The following IL2RB variants were observed in gnomAD, a reference collection of about 807,000 sequenced individuals.
IL2RB encodes the protein interleukin-2 receptor subunit beta.
Under a neutral mutation model 44.2 loss-of-function variants are expected in IL2RB, and 17 were observed. The ratio of observed to expected loss-of-function variants is 0.38; its 90% CI spans 0.26 to 0.58. The LOEUF (loss-of-function observed/expected upper bound fraction) is 0.58. Ranked by LOEUF, IL2RB falls within the 20% of genes least tolerant of loss-of-function variation. The pLI, the probability that IL2RB is intolerant of heterozygous loss-of-function variation, is 0.63. For missense variants in IL2RB, 624 were observed against 685.5 expected (o/e 0.91, Z 1.00); for synonymous variants, 286 against 297.9 (o/e 0.96, Z 0.41).
chr22:37,152,391 ATAC>A (rs1922526189), upstream of IL2RB, among the ~76,000 whole-genome samples: 1 of 152,208 alleles, frequency 6.6e-6, no homozygotes, highest in Admixed American at 6.5e-5. Flanking sequence ...GTACATAGAA[ATAC>A]TACTAACTTT....
intron 1 of IL2RB, among the ~76,000 whole-genome samples, chr22:37,166,245 G>A (rs1420258495): frequency 6.6e-6 from 1 of 152,180 alleles, no homozygotes; most frequent in Non-Finnish European, 1.5e-5. Flanking sequence ...TGGAAAGGGG[G>A]CACTCAGCGC....
At chr22:37,162,668 G>C (rs1223537652) in intron 1 of IL2RB, among the ~76,000 whole-genome samples, 1 of 152,104 alleles carries the variant, frequency 6.6e-6, no homozygotes, top group Admixed American at 6.5e-5. Context: ...ACCCATTCTG[G>C]TTAGTCTGAA....
At chr22:37,149,604 G>A (rs1039592595) in intron 1 of IL2RB, among the ~76,000 whole-genome samples, 2 of 152,214 alleles carry the variant, frequency 1.3e-5, no homozygotes, top group Admixed American at 1.3e-4. Context: ...TTGGGAAGGA[G>A]AGCTGACCTG....
rs753000009 is a variant in IL2RB, at chr22:37,128,983, C to A, written c.904-135G>T. On this transcript the variant is annotated intron_variant, in intron 9 of 9. Coordinates refer to ENST00000216223, the MANE Select transcript of IL2RB (RefSeq NM_000878.5). The surrounding 1 kb of genome is among the most constrained non-coding windows in gnomAD (Gnocchi z 4.5). ...CCAGGGCTGCCCCATCCAGGAAGCT[C>A]TCCCTGATTATAGCCCCGCACTCCC... 6 of 1,096,864 alleles carry A rather than the reference C, an allele frequency of 5.5e-6. No individual in the cohort carries two copies. In the East Asian group the frequency reaches 1.3e-4, roughly 24 times the overall value. 67.9% of individuals were successfully genotyped at this position (1,096,864 alleles called of 1,614,324 possible).
intron 1 of IL2RB, among the ~76,000 whole-genome samples, chr22:37,174,690 T>A (rs1923395481): frequency 6.6e-6 from 1 of 152,194 alleles, no homozygotes; most frequent in Non-Finnish European, 1.5e-5. Flanking sequence ...CCCACCTCCT[T>A]GCTTGGCAGG....
upstream of IL2RB, among the ~76,000 whole-genome samples, chr22:37,150,763 C>T (rs558961752): frequency 6.6e-6 from 1 of 152,174 alleles, no homozygotes; most frequent in Non-Finnish European, 1.5e-5. Flanking sequence ...CACTGCCCTT[C>T]CCATTTCCAT....
chr22:37,172,856 G>A (rs1450784008), intron 1 of IL2RB, among the ~76,000 whole-genome samples: 2 of 152,130 alleles, frequency 1.3e-5, no homozygotes, highest in African/African-American at 4.8e-5. Context: ...GAGGGCACAA[G>A]CCTCCTCATA....
intron 9 of IL2RB, among the ~76,000 whole-genome samples, chr22:37,130,568 C>G (rs907079984): frequency 2.0e-5 from 3 of 152,218 alleles, no homozygotes; most frequent in African/African-American, 7.2e-5. Context: ...CACATCATGC[C>G]TTCTTCCTCA....
chr22:37,172,161 G>A (rs1923307247), intron 1 of IL2RB, among the ~76,000 whole-genome samples: 1 of 148,908 alleles, frequency 6.7e-6, no homozygotes, highest in Non-Finnish European at 1.5e-5. Flanking sequence ...TGGCACCTCA[G>A]TTGAGGCTCT....
intron 8 of IL2RB, among the ~76,000 whole-genome samples, chr22:37,134,797 C>T (rs1921601266): frequency 6.6e-6 from 1 of 152,176 alleles, no homozygotes; most frequent in Non-Finnish European, 1.5e-5. Context: ...GTCTGCCTTC[C>T]CCCACTGGGC....
At chr22:37,150,081 GGGC>G (rs1457230358), upstream of IL2RB, 1 of 132,594 alleles carries the variant, frequency 7.5e-6, no homozygotes, top group Non-Finnish European at 1.6e-5. Flanking sequence ...CCTACGCTGG[GGGC>G]GGCACACACA....
intron 2 of IL2RB, among the ~76,000 whole-genome samples, chr22:37,143,884 C>CCTGTGTGTGTGT (rs1236054029): frequency 3.2e-4 from 45 of 139,802 alleles, no homozygotes; most frequent in African/African-American, 1.3e-3. Context: ...CTTGGAGAGG[C>CCTGTGTGTGTGT]GTGTGTGTGT....
chr22:37,150,205 T>A (rs765072546), upstream of IL2RB, among the ~76,000 whole-genome samples: 2 of 150,682 alleles, frequency 1.3e-5, no homozygotes, highest in Non-Finnish European at 3.0e-5. Context: ...TCTCCCCTCC[T>A]ACATCACCCC....
At position 37,142,759 on chromosome 22, in the gene IL2RB, C is replaced by A. The variant is rs542524767; in HGVS notation, c.204-247G>T. ...CACGGCAGCTGGAGTGATCTAGAAA[C>A]ACAAACCACTTCAAGACAGGCAGTC... On this transcript the variant is annotated intron_variant, in intron 3 of 9. Transcript: ENST00000216223. 1.2e-5 allele frequency: 8 copies of A among 657,730 alleles called. No individual in the cohort carries two copies. The Admixed American group carries it at 1.3e-4, about 11-fold the overall frequency. The allele number at this position is 657,730 out of a possible 1,614,324, so 40.7% of individuals were successfully genotyped here. A position where few individuals can be genotyped will look rare whatever the true frequency, so the allele number is the denominator to read the frequency against.
At chr22:37,154,809 C>T (rs369068665), upstream of IL2RB, among the ~76,000 whole-genome samples, 10 of 151,972 alleles carry the variant, frequency 6.6e-5, no homozygotes, top group African/African-American at 1.7e-4. Context: ...CTCCTGACCT[C>T]GTGATCTGCC....
At chr22:37,160,745 G>A (rs372437001) in intron 1 of IL2RB, among the ~76,000 whole-genome samples, 3 of 149,306 alleles carry the variant, frequency 2.0e-5, no homozygotes, top group African/African-American at 5.0e-5. Context: ...AGCTATTCGG[G>A]AGGCTAAGGT....
intron 6 of IL2RB, among the ~76,000 whole-genome samples, chr22:37,136,731 C>T (rs1015660258): frequency 4.6e-5 from 7 of 152,244 alleles, no homozygotes; most frequent in South Asian, 2.1e-4. Context: ...ACCCGTGCCC[C>T]GCTGCAGTCT....
At chr22:37,168,020 C>A (rs1923140404) in intron 1 of IL2RB, among the ~76,000 whole-genome samples, 1 of 152,162 alleles carries the variant, frequency 6.6e-6, no homozygotes, top group Non-Finnish European at 1.5e-5. Context: ...GTGGGAATGA[C>A]AAGGATGTGT....
At chr22:37,153,791 A>G (rs941589747), upstream of IL2RB, among the ~76,000 whole-genome samples, 5 of 152,218 alleles carry the variant, frequency 3.3e-5, no homozygotes, top group Non-Finnish European at 5.9e-5. Flanking sequence ...CTGCCCCCAA[A>G]TAAATGAATT....
Sources: gnomAD v4.1 joint callset for allele counts (sites outside exome capture counted in the v4.1 genomes callset) on GRCh38, gnomAD v4.1.1 for gene constraint, Gnocchi (gnomAD v3.1) non-coding constraint, MANE v1.5 for transcripts, NCBI Gene and HGNC (gene_info 2026-07-23, HGNC 2026-07-21) for gene names.